FHIT: variants seen among roughly 807,000 people sequenced by gnomAD.
The protein encoded by FHIT is bis(5'-adenosyl)-triphosphatase.
In FHIT, 19 loss-of-function variants were observed where a neutral mutation model predicts 17.9. The ratio of observed to expected loss-of-function variants is 1.06; its 90% CI spans 0.74 to 1.56. The LOEUF (loss-of-function observed/expected upper bound fraction) is 1.56. FHIT is among the 40% of genes most tolerant of loss of function. The pLI, the probability that FHIT is intolerant of heterozygous loss-of-function variation, is 0.00. For missense variants in FHIT, 248 were observed against 189.2 expected (o/e 1.31, Z -1.82); for synonymous variants, 81 against 69.7 (o/e 1.16, Z -0.81).
At chr3:60,985,383 T>A (rs1710677470) in intron 3 of FHIT, among the ~76,000 whole-genome samples, 1 of 152,096 alleles carries the variant, frequency 6.6e-6, no homozygotes, top group Non-Finnish European at 1.5e-5. Context: ...AGCTATCCGA[T>A]CCTCCTTCTG....
At chr3:60,094,841 G>C (rs1297158334) in intron 5 of FHIT, among the ~76,000 whole-genome samples, 1 of 151,618 alleles carries the variant, frequency 6.6e-6, no homozygotes, top group East Asian at 1.9e-4. Flanking sequence ...GAGAAGGAGA[G>C]AGGGAGAGAA....
chr3:60,476,822 G>A (rs1218487153), intron 5 of FHIT, among the ~76,000 whole-genome samples: 1 of 150,690 alleles, frequency 6.6e-6, no homozygotes, highest in Non-Finnish European at 1.5e-5. Flanking sequence ...GCATCATTTG[G>A]TCTCGTCCTG....
rs1476461162 is a variant in FHIT at position 60,860,874 on chromosome 3, CA to C, written c.-110-38864del. 5.8e-4 allele frequency among the ~76,000 whole-genome samples: 53 copies of C among 91,974 alleles called. 8 individuals carry two copies. The highest frequency in any genetic ancestry group is 1.7e-3 in the African/African-American group (42 of 24,220). The allele number at this position is 91,974 out of a possible 152,430, so 60.3% of individuals were successfully genotyped here. A position where few individuals can be genotyped will look rare whatever the true frequency, so the allele number is the denominator to read the frequency against. ...TATATGAACATATGTACATATATAT[CA>C]TGTATATATGAACATATATACGTAT... is the stretch of plus-strand genomic sequence containing the variant. On this transcript the variant is annotated intron_variant, in intron 3 of 9. Transcript: ENST00000492590.
intron 5 of FHIT, among the ~76,000 whole-genome samples, chr3:60,086,602 A>C (rs1268896551): frequency 1.3e-5 from 2 of 152,226 alleles, no homozygotes; most frequent in African/African-American, 4.8e-5. Context: ...CCATTCCAAA[A>C]GGGAGAAATT....
intron 2 of FHIT, among the ~76,000 whole-genome samples, chr3:61,063,909 C>G (rs2034515979): frequency 6.6e-6 from 1 of 152,106 alleles, no homozygotes. Flanking sequence ...TCCCTCTGAC[C>G]TCCACACATA....
chr3:60,089,493 A>C (rs1703640159), intron 5 of FHIT, among the ~76,000 whole-genome samples: 1 of 152,148 alleles, frequency 6.6e-6, no homozygotes, highest in Non-Finnish European at 1.5e-5. Context: ...GGTTGAGTGG[A>C]TAAATGGACG....
intron 4 of FHIT, among the ~76,000 whole-genome samples, chr3:60,651,143 T>C (rs892593400): frequency 1.1e-4 from 17 of 152,180 alleles, no homozygotes; most frequent in Admixed American, 1.1e-3. Context: ...AGGGTTTTTC[T>C]ATTATACATT....
At chr3:59,787,227 A>T (rs1699344519) in intron 8 of FHIT, among the ~76,000 whole-genome samples, 1 of 152,228 alleles carries the variant, frequency 6.6e-6, no homozygotes, top group Non-Finnish European at 1.5e-5. Context: ...TGACCAAGCC[A>T]GGATTTAGTC....
intron 7 of FHIT, among the ~76,000 whole-genome samples, chr3:59,970,305 C>T (rs1708116805): frequency 2.0e-5 from 3 of 152,020 alleles, no homozygotes; most frequent in South Asian, 4.1e-4. Context: ...TTTTTTCTTC[C>T]CTTGAAGACA....
chr3:60,715,077 C>G (rs1553706350), intron 4 of FHIT, among the ~76,000 whole-genome samples: 1 of 151,958 alleles, frequency 6.6e-6, no homozygotes, highest in African/African-American at 2.4e-5. Context: ...GTACTGGTAC[C>G]AAAACAGAGA....
At chr3:59,922,709 C>G (rs777461572) in intron 7 of FHIT, among the ~76,000 whole-genome samples, 41 of 152,216 alleles carry the variant, frequency 2.7e-4, no homozygotes, top group Non-Finnish European at 5.3e-4. Context: ...TTAGCCAGTG[C>G]TTTGAAATGA....
intron 8 of FHIT, among the ~76,000 whole-genome samples, chr3:59,859,945 T>G (rs1338952246): frequency 6.6e-6 from 1 of 152,006 alleles, no homozygotes; most frequent in Non-Finnish European, 1.5e-5. Flanking sequence ...ATGAGAAGAG[T>G]GCTCTTGTTT....
intron 5 of FHIT, among the ~76,000 whole-genome samples, chr3:60,330,759 C>A (rs1321306577): frequency 2.6e-5 from 4 of 152,158 alleles, no homozygotes; most frequent in Non-Finnish European, 5.9e-5. Flanking sequence ...GTCTACAGAA[C>A]GGGATTGCAA....
intron 5 of FHIT, among the ~76,000 whole-genome samples, chr3:60,382,511 A>G (rs1700844368): frequency 6.6e-6 from 1 of 152,204 alleles, no homozygotes; most frequent in Admixed American, 6.5e-5. Context: ...GAAAACTTGT[A>G]TGAATTGGTA....
At chr3:60,559,046 T>C (rs187331094) in intron 4 of FHIT, among the ~76,000 whole-genome samples, 1 of 152,322 alleles carries the variant, frequency 6.6e-6, no homozygotes, top group East Asian at 1.9e-4. Context: ...TGTTAATAAA[T>C]ATCTAAAGAC....
intron 3 of FHIT, among the ~76,000 whole-genome samples, chr3:60,828,870 T>A (rs1553741718): frequency 6.6e-6 from 1 of 151,988 alleles, no homozygotes; most frequent in East Asian, 1.9e-4. Flanking sequence ...AAAAGTGAAA[T>A]GCTGTCTCAA....
chr3:59,768,853 G>C (rs1225632205), intron 8 of FHIT, among the ~76,000 whole-genome samples: 1 of 152,232 alleles, frequency 6.6e-6, no homozygotes, highest in Admixed American at 6.5e-5. Flanking sequence ...TTGTAAAAGA[G>C]ATCCAGAACA....
At chr3:59,818,503 G>A (rs1700681393) in intron 8 of FHIT, among the ~76,000 whole-genome samples, 2 of 142,754 alleles carry the variant, frequency 1.4e-5, no homozygotes, top group South Asian at 2.3e-4. Flanking sequence ...TAAGATACAC[G>A]TAAATAATAG....
intron 4 of FHIT, among the ~76,000 whole-genome samples, chr3:60,783,036 G>A (rs1298101547): frequency 2.0e-5 from 3 of 152,086 alleles, no homozygotes; most frequent in East Asian, 3.9e-4. Flanking sequence ...AGGCTGATGT[G>A]TAGTGGCACA....
Sources: gnomAD v4.1 joint callset for allele counts (sites outside exome capture counted in the v4.1 genomes callset) on GRCh38, gnomAD v4.1.1 for gene constraint, MANE v1.5 for transcripts, NCBI Gene and HGNC (gene_info 2026-07-23, HGNC 2026-07-21) for gene names.